The following RPS6KA1 variants were observed in gnomAD, a reference collection of about 807,000 sequenced individuals.
The protein encoded by RPS6KA1 is ribosomal protein S6 kinase A1.
In RPS6KA1, 48 loss-of-function variants were observed where a neutral mutation model predicts 91.3. The ratio of observed to expected loss-of-function variants is 0.53; its 90% CI spans 0.42 to 0.67. The LOEUF is 0.67. Ranked by LOEUF, RPS6KA1 falls within the 30% of genes least tolerant of loss-of-function variation. RPS6KA1 has a pLI of 0.00. For missense variants in RPS6KA1, 719 were observed against 960.5 expected, an observed-to-expected ratio of 0.75 and a Z score of 3.32; for synonymous variants, 359 against 384.7, an observed-to-expected ratio of 0.93 and a Z score of 0.78.
At chr1:26,553,698 C>T in intron 7 of RPS6KA1, 1 of 366,138 alleles carries the variant, frequency 2.7e-6, no homozygotes, top group Non-Finnish European at 5.0e-6. Context: ...AGGTACTTTG[C>T]ATGCAGGTAA....
intron 15 of RPS6KA1, 65 bp from the exon 16 acceptor site, chr1:26,560,980 C>T: frequency 1.3e-6 from 2 of 1,592,472 alleles, no homozygotes; most frequent in Non-Finnish European, 1.7e-6. Context: ...CTGGCCTGCT[C>T]CATGGCCAGA....
rs1012642378 is a variant in RPS6KA1 at position 26,540,942 on chromosome 1, C to T, written c.108+3973C>T. On this transcript the variant is annotated intron_variant, in intron 2 of 21. Transcript: ENST00000374168. This position sits in a 1 kb window ranked among gnomAD's most constrained non-coding sequence, Gnocchi z 4.2. The stretch of plus-strand genomic sequence containing the variant: ...AGTAGCTGGGATTGCAGGCATATGC[C>T]ACTATGCCCGGCTAATTTCATATTT... Among the ~76,000 whole-genome samples the T allele has an allele frequency of 2.2e-4, 33 of 152,136 alleles. No individual in the cohort carries two copies. Among genetic ancestry groups the T allele is most frequent in the African/African-American group, 8.0e-4 (33 of 41,434 alleles).
rs1208235584 is a variant in RPS6KA1 at position 26,554,592 on chromosome 1, G to A, written c.614-4G>A. The stretch of plus-strand genomic sequence containing the variant: ...GGTGTGTCCTCCTGCCCTCCTTGCT[G>A]TAGACTTTGGCCTGAGCAAAGAGGC... On this transcript the variant is annotated splice_polypyrimidine_tract_variant and splice_region_variant and intron_variant, in intron 8 of 21. Coordinates refer to ENST00000374168, the MANE Select transcript of RPS6KA1 (RefSeq NM_002953.4). The surrounding 1 kb of genome is among the most constrained non-coding windows in gnomAD (Gnocchi z 4.6). 6.2e-7 allele frequency: 1 copy of A among 1,610,024 alleles called. No homozygotes were observed. The highest frequency in any genetic ancestry group is 8.5e-7 in the Non-Finnish European group (1 of 1,177,078).
rs1046565642 is a variant in RPS6KA1 at position 26,558,429 on chromosome 1, C to T, written c.1085-378C>T. ...CTTACTCCTGAAGGCAGACGGGAAC[C>T]TTTGAAAGGTGTGGGCAGGGTGGCA... On this transcript the variant is annotated intron_variant, in intron 13 of 21. Coordinates refer to ENST00000374168, the MANE Select transcript of RPS6KA1 (RefSeq NM_002953.4). The surrounding 1 kb of genome is among the most constrained non-coding windows in gnomAD (Gnocchi z 4.0). Among the ~76,000 whole-genome samples the T allele has an allele frequency of 2.0e-5, 3 of 152,150 alleles. No homozygotes were observed. Among genetic ancestry groups the T allele is most frequent in the African/African-American group, 7.2e-5 (3 of 41,426 alleles).
Position 26,561,493 on chromosome 1 carries a change from G to A in RPS6KA1, c.1432-12G>A, listed in dbSNP as rs993996759. 3.1e-6 allele frequency: 5 copies of A among 1,614,162 alleles called. No individual in the cohort carries two copies. Among genetic ancestry groups the A allele is most frequent in the Non-Finnish European group, 4.2e-6 (5 of 1,180,018 alleles). On this transcript the variant is annotated splice_polypyrimidine_tract_variant and intron_variant, in intron 16 of 21. Transcript: ENST00000374168. This position sits in a 1 kb window ranked among gnomAD's most constrained non-coding sequence, Gnocchi z 5.7. ...ACTGGGGAGAAGAGCCTGATGGTGA[G>A]GTCTTCGGCAGGTGTATGATGATGG...
intron 1 of RPS6KA1, among the ~76,000 whole-genome samples, 155 bp from the exon 2 acceptor site, chr1:26,536,770 A>T (rs1467220110): frequency 6.6e-6 from 1 of 152,176 alleles, no homozygotes; most frequent in Non-Finnish European, 1.5e-5. Context: ...TACACCATGA[A>T]AGTGGAGGTG....
At chr1:26,534,958 G>C (rs995216360) in intron 1 of RPS6KA1, among the ~76,000 whole-genome samples, 30 of 152,234 alleles carry the variant, frequency 2.0e-4, no homozygotes, top group African/African-American at 6.0e-4. Flanking sequence ...TGTTGACTGA[G>C]TGAGTTGAGT....
intron 2 of RPS6KA1, among the ~76,000 whole-genome samples, chr1:26,538,463 C>T (rs1314129807): frequency 6.6e-6 from 1 of 152,176 alleles, no homozygotes; most frequent in Non-Finnish European, 1.5e-5. Flanking sequence ...GCTCCCAAGC[C>T]TATGACTCTT....
chr1:26,549,690 CTT>C (rs561375723), intron 4 of RPS6KA1, among the ~76,000 whole-genome samples: 2,922 of 101,972 alleles, frequency 0.029, 59 homozygotes, highest in African/African-American at 0.087. Flanking sequence ...AAAGCCTGTT[CTT>C]TTTTTTTTTT....
chr1:26,570,329 G>A (rs2076238730), intron 17 of RPS6KA1, among the ~76,000 whole-genome samples: 1 of 151,968 alleles, frequency 6.6e-6, no homozygotes, highest in Non-Finnish European at 1.5e-5. Context: ...TGCAAAAAAT[G>A]TTTTAAAAAT....
At chr1:26,543,308 A>G in intron 2 of RPS6KA1, 1 of 1,031,906 alleles carries the variant, frequency 9.7e-7, no homozygotes, top group East Asian at 2.6e-5. Flanking sequence ...GTCCCTTGGG[A>G]TTTCTGGGTG....
Position 26,557,083 on chromosome 1 carries a change from C to T in RPS6KA1, c.1067C>T (p.Thr356Met), listed in dbSNP as rs1397175255. 4.3e-6 allele frequency: 7 copies of T among 1,613,564 alleles called. No individual in the cohort carries two copies. The highest frequency in any genetic ancestry group is 4.0e-5 in the African/African-American group (3 of 74,916). The change falls in exon 13 of 22, where the codon ACG becomes ATG. Residue 356 changes from threonine (T) to methionine (M), a missense_variant. This residue lies in a region of RPS6KA1 where 228 missense variants were observed against 247.6 expected (regional missense o/e 0.92). Coordinates refer to ENST00000374168, the MANE Select transcript of RPS6KA1 (RefSeq NM_002953.4). Reference sequence around the variant, plus strand: ...ACCTTCTACTTTGACACCGAGTTCACGTCCCGCACACCCAAGGGTGCGTCC... The same window carrying T: ...ACCTTCTACTTTGACACCGAGTTCATGTCCCGCACACCCAAGGGTGCGTCC... ...DDTFYFDTEFTSRTPKDSPGI... is the reference protein window; with the variant it reads ...DDTFYFDTEFMSRTPKDSPGI...
At position 26,558,877 on chromosome 1, in the gene RPS6KA1, C is replaced by G; in HGVS notation, c.1155C>G (p.Gly385=). Residue 385 remains glycine, a synonymous_variant, in exon 14 of 22, where the codon GGC becomes GGG. Coordinates refer to ENST00000374168, the MANE Select transcript of RPS6KA1 (RefSeq NM_002953.4). The surrounding 1 kb of genome is among the most constrained non-coding windows in gnomAD (Gnocchi z 4.0). ...LFRGFSFVAT[G]LMEDDGKPRA... is the part of the protein sequence containing the mutation. ...GGGGCTTCAGCTTCGTGGCCACCGG[C>G]CTGATGGAAGACGACGGCAAGCCTC... 6.2e-7 allele frequency: 1 copy of G among 1,613,930 alleles called. No individual in the cohort carries two copies. The highest frequency in any genetic ancestry group is 8.5e-7 in the Non-Finnish European group (1 of 1,179,832).
chr1:26,543,162 A>C (rs534137499), intron 2 of RPS6KA1: 1 of 1,535,686 alleles, frequency 6.5e-7, no homozygotes, highest in Non-Finnish European at 8.7e-7. Context: ...GAGCCCCACC[A>C]TGCAGACCCC....
intron 14 of RPS6KA1, 93 bp downstream of exon 14, chr1:26,559,030 C>G (rs1036995803): frequency 3.4e-5 from 50 of 1,461,036 alleles, no homozygotes; most frequent in Non-Finnish European, 4.0e-5. Context: ...GGTTCATACC[C>G]TCATGCCACT....
intron 2 of RPS6KA1, among the ~76,000 whole-genome samples, chr1:26,539,211 G>A (rs1194619435): frequency 6.6e-6 from 1 of 152,230 alleles, no homozygotes; most frequent in East Asian, 1.9e-4. Flanking sequence ...AGATGAGCAC[G>A]TCCCCGGGAA....
intron 2 of RPS6KA1, among the ~76,000 whole-genome samples, chr1:26,544,615 C>T (rs2075976243): frequency 6.6e-6 from 1 of 152,120 alleles, no homozygotes; most frequent in South Asian, 2.1e-4. Context: ...TCTGGGATTA[C>T]AGGTGCCCAC....
chr1:26,547,162 G>T lies in RPS6KA1; in HGVS notation c.226-27G>T, dbSNP rs1426238951. 6.2e-7 allele frequency: 1 copy of T among 1,612,594 alleles called. No homozygotes were observed. The highest frequency in any genetic ancestry group is 8.5e-7 in the Non-Finnish European group (1 of 1,178,880). ...TGGACTCAGACCTCTCCCATCTTCTGCCCTGCTTCCTGCTCTGCCTTCTCA... is the reference window on the plus strand; with the variant it reads ...TGGACTCAGACCTCTCCCATCTTCTTCCCTGCTTCCTGCTCTGCCTTCTCA... On this transcript the variant is annotated intron_variant, in intron 3 of 21. Transcript: ENST00000374168. The surrounding 1 kb of genome is among the most constrained non-coding windows in gnomAD (Gnocchi z 4.1).
chr1:26,544,310 A>G, intron 2 of RPS6KA1: 2 of 429,324 alleles, frequency 4.7e-6, no homozygotes, highest in Non-Finnish European at 4.8e-6. Flanking sequence ...GGTACATGTC[A>G]CATGTTAGGT....
Sources: gnomAD v4.1 joint callset for allele counts (sites outside exome capture counted in the v4.1 genomes callset) on GRCh38, gnomAD v4.1.1 for gene constraint, gnomAD v4.1.1 regional missense constraint, Gnocchi (gnomAD v3.1) non-coding constraint, MANE v1.5 for transcripts, NCBI Gene and HGNC (gene_info 2026-07-23, HGNC 2026-07-21) for gene names.